Variants in TTC39B observed in about 807,000 individuals in gnomAD.
TTC39B encodes tetratricopeptide repeat domain 39B.
In TTC39B, 92 loss-of-function variants were observed where a neutral mutation model predicts 96.6. That is an observed-to-expected ratio of 0.95 (90% CI 0.80 to 1.13). The LOEUF (loss-of-function observed/expected upper bound fraction) is 1.13, where lower values mean the gene tolerates loss of function less well. Ranked by LOEUF, TTC39B falls within the 50% of genes most tolerant of loss-of-function variation. The pLI is 0.00. For synonymous variants in TTC39B, 367 were observed against 299.4 expected (o/e 1.23, Z -2.33); for missense variants, 955 against 809.3 (o/e 1.18, Z -2.18).
chr9:15,260,718 T>C (rs1435027982), intron 2 of TTC39B, among the ~76,000 whole-genome samples: 2 of 152,166 alleles, frequency 1.3e-5, no homozygotes, highest in African/African-American at 4.8e-5. Flanking sequence ...TTGTGAGAAA[T>C]GTTATAAAAC....
chr9:15,190,127 C>T (rs1471058428), intron 11 of TTC39B, among the ~76,000 whole-genome samples: 1 of 151,924 alleles, frequency 6.6e-6, no homozygotes, highest in Non-Finnish European at 1.5e-5. Flanking sequence ...AAATAGATCA[C>T]CTTAATATAG....
At chr9:15,233,580 G>A (rs1453139430) in intron 2 of TTC39B, among the ~76,000 whole-genome samples, 1 of 151,628 alleles carries the variant, frequency 6.6e-6, no homozygotes, top group East Asian at 1.9e-4. Context: ...CTGGTCTCCA[G>A]CTCCTAACCG....
chr9:15,306,172 C>A lies in TTC39B; in HGVS notation c.240+912G>T, dbSNP rs1824746512. ...AGGCAGCGACTCGCACAATTCAAGT[C>A]AGGTAAGATGGCAGGAACAGCAGCT... On this transcript the variant is annotated intron_variant, in intron 1 of 19. Transcript: ENST00000512701. The surrounding 1 kb of genome is among the most constrained non-coding windows in gnomAD (Gnocchi z 5.1). Among the ~76,000 whole-genome samples, 1 of 152,228 alleles carries A rather than the reference C, an allele frequency of 6.6e-6. No homozygotes were observed. The highest frequency in any genetic ancestry group is 2.1e-4 in the South Asian group (1 of 4,832).
chr9:15,239,893 C>A (rs1242720850), intron 2 of TTC39B, among the ~76,000 whole-genome samples: 5 of 152,190 alleles, frequency 3.3e-5, no homozygotes, highest in African/African-American at 1.2e-4. Context: ...TGCACATGTA[C>A]CTTCAAATCT....
chr9:15,225,941 T>C (rs1458053894), exon 3 of TTC39B: 6 of 1,614,008 alleles, frequency 3.7e-6, no homozygotes, highest in Non-Finnish European at 4.2e-6. Flanking sequence ...CGCTCCGCGC[T>C]GTCTGGGCGC....
chr9:15,306,986 G>A lies in TTC39B; in HGVS notation c.240+98C>T, dbSNP rs1824772716. 2.0e-6 allele frequency: 3 copies of A among 1,524,802 alleles called. No homozygotes were observed. The highest frequency in any genetic ancestry group is 2.6e-6 in the Non-Finnish European group (3 of 1,132,088). The allele number at this position is 1,524,802 out of a possible 1,614,324, so 94.5% of individuals were successfully genotyped here. On this transcript the variant is annotated intron_variant, in intron 1 of 19. Transcript: ENST00000512701. This position sits in a 1 kb window ranked among gnomAD's most constrained non-coding sequence, Gnocchi z 5.1. ...GCCCACCCCAGAGAGGGGACCAAGG[G>A]GGCGGGGCCTCGGCCGTCCTAGCCG... is the stretch of plus-strand genomic sequence containing the variant.
chr9:15,260,852 G>C (rs115154228), intron 2 of TTC39B, among the ~76,000 whole-genome samples: 1 of 152,132 alleles, frequency 6.6e-6, no homozygotes, highest in African/African-American at 2.4e-5. Flanking sequence ...CCTTCTACAG[G>C]TAAGTACAAA....
intron 1 of TTC39B, among the ~76,000 whole-genome samples, chr9:15,288,884 C>T (rs889567135): frequency 4.6e-5 from 7 of 152,174 alleles, no homozygotes; most frequent in African/African-American, 1.7e-4. Flanking sequence ...GCATGGCAGC[C>T]GAACAGACAA....
chr9:15,174,895 A>C, intron 19 of TTC39B, 124 bp downstream of exon 19: 2 of 712,650 alleles, frequency 2.8e-6, no homozygotes, highest in South Asian at 1.8e-5. Flanking sequence ...AAGTTAGCAA[A>C]AGTAGCATTA....
At chr9:15,250,297 C>T in intron 2 of TTC39B, 1 of 809,742 alleles carries the variant, frequency 1.2e-6, no homozygotes, top group Non-Finnish European at 1.5e-6. Flanking sequence ...GTTTAATTAT[C>T]TAGAGAAACA....
chr9:15,211,272 C>T (rs767480166), exon 5 of TTC39B: 1 of 1,540,594 alleles, frequency 6.5e-7, no homozygotes, highest in Non-Finnish European at 8.7e-7. Context: ...ATACTTTTGG[C>T]AGGTTTGTAA....
At chr9:15,275,963 T>A (rs1322362647) in intron 1 of TTC39B, among the ~76,000 whole-genome samples, 1 of 152,214 alleles carries the variant, frequency 6.6e-6, no homozygotes, top group Admixed American at 6.5e-5. Context: ...GCATTTTCAA[T>A]GTCACATTTG....
At chr9:15,213,625 G>A (rs368221320) in intron 4 of TTC39B, among the ~76,000 whole-genome samples, 7 of 152,188 alleles carry the variant, frequency 4.6e-5, no homozygotes, top group Admixed American at 3.3e-4. Context: ...GACAAAGGCC[G>A]AGTAAACAGG....
intron 2 of TTC39B, among the ~76,000 whole-genome samples, chr9:15,230,048 G>C (rs1204677328): frequency 6.6e-6 from 1 of 152,054 alleles, no homozygotes; most frequent in East Asian, 1.9e-4. Flanking sequence ...TTCAATAAAG[G>C]CTTTTAATAT....
chr9:15,168,415 A>G (rs1420955235), exon 20 of TTC39B: 3 of 133,624 alleles, frequency 2.2e-5, no homozygotes, highest in Non-Finnish European at 4.7e-5. Context: ...GCAGAGTATA[A>G]ATACAAAAAA....
At chr9:15,274,615 CATTAG>C (rs1258331274) in intron 1 of TTC39B, among the ~76,000 whole-genome samples, 2 of 152,158 alleles carry the variant, frequency 1.3e-5, no homozygotes, top group Admixed American at 1.3e-4. Flanking sequence ...GGGGCCCACA[CATTAG>C]ACACACTCAC....
chr9:15,192,690 C>T (rs150826220), exon 9 of TTC39B: 1 of 1,612,698 alleles, frequency 6.2e-7, no homozygotes. Flanking sequence ...GATAGAAAGA[C>T]ATTCTCTGGG....
chr9:15,183,977 C>G (rs1354288803), intron 16 of TTC39B, among the ~76,000 whole-genome samples: 1 of 152,158 alleles, frequency 6.6e-6, no homozygotes, highest in Admixed American at 6.5e-5. Context: ...TAACTCCTGT[C>G]TGACCCCTGT....
At chr9:15,181,650 C>T (rs1818256184) in intron 17 of TTC39B, among the ~76,000 whole-genome samples, 1 of 152,202 alleles carries the variant, frequency 6.6e-6, no homozygotes, top group Admixed American at 6.5e-5. Flanking sequence ...GATAACATTT[C>T]ACCTTGAAAA....
Sources: allele counts gnomAD v4.1 joint callset (sites outside exome capture counted in the v4.1 genomes callset), GRCh38; gene constraint gnomAD v4.1.1; non-coding constraint Gnocchi (gnomAD v3.1); transcripts MANE v1.5; gene names NCBI Gene and HGNC (gene_info 2026-07-23, HGNC 2026-07-21).